Variants in C1D observed in about 807,000 individuals in gnomAD.
C1D encodes the protein C1D nuclear receptor corepressor.
A neutral mutation model predicts 17.5 loss-of-function variants in C1D; 10 were observed. That is an observed-to-expected ratio of 0.57 (90% confidence interval 0.35 to 0.97). C1D has a LOEUF of 0.97. Among genes scored for constraint, C1D ranks in the 50% least tolerant of loss-of-function variants. The pLI, the probability that C1D is intolerant of heterozygous loss-of-function variation, is 0.01. For synonymous variants in C1D, 49 were observed against 54.0 expected, an observed-to-expected ratio of 0.91 and a Z score of 0.40; for missense variants, 136 against 160.1, an observed-to-expected ratio of 0.85 and a Z score of 0.81.
intron 1 of C1D, among the ~76,000 whole-genome samples, chr2:68,061,595 T>A (rs1359676554): frequency 6.6e-6 from 1 of 152,212 alleles, no homozygotes; most frequent in African/African-American, 2.4e-5. Flanking sequence ...AATAAGAGTA[T>A]ATAGTGTTGT....
intron 1 of C1D, among the ~76,000 whole-genome samples, chr2:68,050,563 G>A (rs537317245): frequency 3.3e-5 from 5 of 152,072 alleles, no homozygotes; most frequent in Non-Finnish European, 7.4e-5. Flanking sequence ...GCCTTCTCTT[G>A]GTTTTCTCCG....
chr2:68,060,745 T>G (rs554702834), intron 1 of C1D, among the ~76,000 whole-genome samples: 1 of 151,984 alleles, frequency 6.6e-6, no homozygotes, highest in Admixed American at 6.5e-5. Flanking sequence ...TAAAATAAAA[T>G]AAAACAAACC....
chr2:68,050,762 C>T (rs1558582907), intron 1 of C1D, among the ~76,000 whole-genome samples: 1 of 152,192 alleles, frequency 6.6e-6, no homozygotes, highest in African/African-American at 2.4e-5. Flanking sequence ...TTTCTCCAAA[C>T]CTGACCTCTC....
intron 1 of C1D, among the ~76,000 whole-genome samples, chr2:68,051,466 T>C (rs1386990822): frequency 6.6e-6 from 1 of 152,082 alleles, no homozygotes; most frequent in Non-Finnish European, 1.5e-5. Flanking sequence ...AAGACCAACT[T>C]GGGCAACACA....
At chr2:68,060,591 C>T (rs998945182) in intron 1 of C1D, among the ~76,000 whole-genome samples, 2 of 145,820 alleles carry the variant, frequency 1.4e-5, no homozygotes, top group Non-Finnish European at 3.0e-5. Flanking sequence ...TGCAGTGAGC[C>T]GAGATTGTGC....
chr2:68,047,131 T>C, intron 2 of C1D, 42 bp downstream of exon 2: 1 of 1,555,958 alleles, frequency 6.4e-7, no homozygotes, highest in Non-Finnish European at 8.8e-7. Flanking sequence ...TAGCATTCTG[T>C]TTTATGAAAT....
At chr2:68,056,819 T>C (rs116510865) in intron 1 of C1D, among the ~76,000 whole-genome samples, 8 of 152,332 alleles carry the variant, frequency 5.3e-5, no homozygotes, top group African/African-American at 1.4e-4. Context: ...TTAGTCAGGG[T>C]ATAAATTAGT....
intron 4 of C1D, among the ~76,000 whole-genome samples, chr2:68,044,589 T>G (rs1376498528): frequency 6.6e-6 from 1 of 152,128 alleles, no homozygotes; most frequent in Non-Finnish European, 1.5e-5. Flanking sequence ...GCGCCTGTAA[T>G]TCCAGCTACT....
At chr2:68,051,235 T>C (rs1671272493) in intron 1 of C1D, among the ~76,000 whole-genome samples, 1 of 152,182 alleles carries the variant, frequency 6.6e-6, no homozygotes, top group African/African-American at 2.4e-5. Context: ...ATCCTTACAG[T>C]GGGCCCGGCC....
chr2:68,060,612 C>T (rs912102589), intron 1 of C1D, among the ~76,000 whole-genome samples: 5 of 148,300 alleles, frequency 3.4e-5, no homozygotes, highest in African/African-American at 1.0e-4. Context: ...CACTGCACTC[C>T]AGCCTGAGCA....
chr2:68,060,140 A>G (rs1163310434), intron 1 of C1D, among the ~76,000 whole-genome samples: 1 of 152,164 alleles, frequency 6.6e-6, no homozygotes, highest in Non-Finnish European at 1.5e-5. Context: ...CTTACAATTC[A>G]CTTTCAATCT....
rs550745218 is a variant in C1D at position 68,045,990 on chromosome 2, A to G, written c.259T>C (p.Leu87=). Residue 87 remains leucine (L), a splice_region_variant and synonymous_variant, in exon 4 of 5, where the codon TTG becomes CTG. Coordinates refer to ENST00000410067, the MANE Select transcript of C1D (RefSeq NM_173177.3). ...ATAAAAAGAAATTAAAATCTTACCA[A>G]TTCCTGTTTTACTGGATGTTCCTTA... ...NPKEHPVKQE[L]ERIRVYMNRV... is the part of the protein sequence containing the mutation. 1 of 1,583,318 alleles carries G rather than the reference A, an allele frequency of 6.3e-7. No individual in the cohort carries two copies. The highest frequency in any genetic ancestry group is 1.2e-5 in the South Asian group (1 of 86,356).
At chr2:68,043,579 T>C (rs1475254555) in intron 4 of C1D, among the ~76,000 whole-genome samples, 2 of 152,162 alleles carry the variant, frequency 1.3e-5, no homozygotes, top group Non-Finnish European at 2.9e-5. Context: ...ATTTTATAAT[T>C]TTGGTAAGTA....
intron 4 of C1D, 62 bp from the exon 5 acceptor site, chr2:68,043,115 T>G: frequency 1.6e-6 from 2 of 1,249,704 alleles, no homozygotes; most frequent in Non-Finnish European, 1.1e-6. Context: ...TGAATTTTAT[T>G]ATACTGTACA....
rs548740282 is a variant in C1D, at chr2:68,056,591, A to C, written c.-10+6367T>G. On this transcript the variant is annotated intron_variant, in intron 1 of 4. Coordinates refer to ENST00000410067, the MANE Select transcript of C1D (RefSeq NM_173177.3). ...AATTTAACAATAACAAAAAAAGTAC[A>C]CACAACCCAAAAGAAAAATAAACAA... 2.0e-5 allele frequency among the ~76,000 whole-genome samples: 3 copies of C among 152,284 alleles called. No homozygotes were observed. The East Asian group carries it at 5.8e-4, about 29-fold the overall frequency.
At chr2:68,061,855 C>T (rs1252813894) in intron 1 of C1D, among the ~76,000 whole-genome samples, 1 of 152,188 alleles carries the variant, frequency 6.6e-6, no homozygotes, top group African/African-American at 2.4e-5. Context: ...GTGATACATA[C>T]AACACAGCTA....
At chr2:68,046,093 A>G in intron 3 of C1D, 50 bp from the exon 4 acceptor site, 1 of 1,268,710 alleles carries the variant, frequency 7.9e-7, no homozygotes, top group South Asian at 1.4e-5. Context: ...ATTAATTTAA[A>G]ACATTCCAAT....
At chr2:68,043,235 C>T (rs995179440) in intron 4 of C1D, among the ~76,000 whole-genome samples, 182 bp from the exon 5 acceptor site, 3 of 152,006 alleles carry the variant, frequency 2.0e-5, no homozygotes, top group African/African-American at 7.3e-5. Flanking sequence ...AGTTCATAGT[C>T]GGAGGGTGGG....
rs555153079 is a variant in C1D, at chr2:68,049,765, AT to A, written c.-9-2447del. 2.2e-3 allele frequency among the ~76,000 whole-genome samples: 331 copies of A among 152,352 alleles called. 5 individuals are homozygous for A. Among genetic ancestry groups the A allele is most frequent in the Admixed American group, 0.021 (318 of 15,302 alleles). ...AAATGTAAACGTATAAACATATTAG[AT>A]TATATCAAATATTTACATCATCTAA... On this transcript the variant is annotated intron_variant, in intron 1 of 4. Coordinates refer to ENST00000410067, the MANE Select transcript of C1D (RefSeq NM_173177.3).
Sources: gnomAD v4.1 joint callset for allele counts (sites outside exome capture counted in the v4.1 genomes callset) on GRCh38, gnomAD v4.1.1 for gene constraint, MANE v1.5 for transcripts, NCBI Gene and HGNC (gene_info 2026-07-23, HGNC 2026-07-21) for gene names.